Variants in DLGAP2 observed in about 807,000 individuals in gnomAD.
DLGAP2 encodes the protein DLG associated protein 2.
DLGAP2 carries 26 observed loss-of-function variants against 100.3 expected under a neutral mutation model. The ratio of observed to expected loss-of-function variants is 0.26; its 90% CI spans 0.19 to 0.36. The LOEUF (loss-of-function observed/expected upper bound fraction) is 0.36. Ranked by LOEUF, DLGAP2 falls within the 10% of genes least tolerant of loss-of-function variation. DLGAP2 has a pLI of 1.00. For missense variants in DLGAP2, 1,858 were observed against 1,453.2 expected, an observed-to-expected ratio of 1.28 and a Z score of -4.53; for synonymous variants, 886 against 630.1, an observed-to-expected ratio of 1.41 and a Z score of -6.08.
At chr8:1,543,396 GT>G in intron 4 of DLGAP2, among the ~76,000 whole-genome samples, 1 of 152,198 alleles carries the variant, frequency 6.6e-6, no homozygotes. Context: ...TAAATTCATT[GT>G]TTGGTGTGTA....
intron 6 of DLGAP2, among the ~76,000 whole-genome samples, chr8:1,608,724 C>T (rs1334175179): frequency 4.8e-4 from 70 of 144,804 alleles, no homozygotes; most frequent in East Asian, 1.7e-3. Context: ...AACCAAGGCT[C>T]GAGAACTACG....
At chr8:1,324,963 A>T (rs949636150) in intron 3 of DLGAP2, among the ~76,000 whole-genome samples, 6 of 152,288 alleles carry the variant, frequency 3.9e-5, no homozygotes, top group Non-Finnish European at 7.4e-5. Flanking sequence ...CAGACTCGGG[A>T]TGAGAATTAC....
Position 1,460,995 on chromosome 8 carries a change from A to G in DLGAP2, c.107-40371A>G, listed in dbSNP as rs149907324. 4.1e-3 allele frequency among the ~76,000 whole-genome samples: 621 copies of G among 152,360 alleles called. 4 individuals are homozygous for G. The highest frequency in any genetic ancestry group is 0.014 in the African/African-American group (578 of 41,592). ...AAGCCTGGCCTGGGTTTCTGCCTCC[A>G]TAAACCAAAATCAGCAGCTCTCACG... On this transcript the variant is annotated intron_variant, in intron 3 of 14. Coordinates refer to ENST00000637795, the MANE Select transcript of DLGAP2 (RefSeq NM_001346810.2).
intron 3 of DLGAP2, among the ~76,000 whole-genome samples, chr8:1,501,050 A>G (rs1372277124): frequency 6.6e-6 from 1 of 152,166 alleles, no homozygotes. Flanking sequence ...GTCTGTTCCA[A>G]TGCAAATAAG....
chr8:774,438 A>G (rs528408920), intron 1 of DLGAP2, among the ~76,000 whole-genome samples: 1 of 152,302 alleles, frequency 6.6e-6, no homozygotes, highest in South Asian at 2.1e-4. Flanking sequence ...CTATGTCCTG[A>G]ATGGCAATGC....
chr8:1,427,468 A>G (rs1797267884), intron 3 of DLGAP2, among the ~76,000 whole-genome samples: 3 of 152,228 alleles, frequency 2.0e-5, no homozygotes, highest in Non-Finnish European at 2.9e-5. Context: ...AATATAAACA[A>G]ACATCCTCAT....
intron 1 of DLGAP2, among the ~76,000 whole-genome samples, chr8:886,781 C>T (rs545010294): frequency 1.1e-4 from 17 of 152,342 alleles, no homozygotes; most frequent in African/African-American, 3.6e-4. Flanking sequence ...GAGTGTTTTA[C>T]TTCCAATTAC....
intron 2 of DLGAP2, among the ~76,000 whole-genome samples, chr8:951,166 G>T (rs1403086732): frequency 6.6e-6 from 1 of 151,990 alleles, no homozygotes; most frequent in Non-Finnish European, 1.5e-5. Flanking sequence ...TCCATTGTGT[G>T]CCTATACCAT....
chr8:758,598 G>C (rs1051993788), intron 1 of DLGAP2, among the ~76,000 whole-genome samples: 1 of 152,056 alleles, frequency 6.6e-6, no homozygotes, highest in Admixed American at 6.5e-5. Flanking sequence ...GTCTTATTCT[G>C]TTGCCCAGGC....
chr8:1,044,178 C>A (rs1041331698), intron 2 of DLGAP2, among the ~76,000 whole-genome samples: 1 of 152,116 alleles, frequency 6.6e-6, no homozygotes, highest in African/African-American at 2.4e-5. Flanking sequence ...ACTAGGGGCC[C>A]AATAAAGCCC....
chr8:1,275,552 A>G (rs1799665770), intron 3 of DLGAP2, among the ~76,000 whole-genome samples: 1 of 151,080 alleles, frequency 6.6e-6, no homozygotes, highest in Non-Finnish European at 1.5e-5. Flanking sequence ...TGCAAACTGA[A>G]TTTCTTTTCA....
chr8:1,474,886 T>C (rs563122181), intron 3 of DLGAP2, among the ~76,000 whole-genome samples: 9 of 152,292 alleles, frequency 5.9e-5, no homozygotes, highest in African/African-American at 2.2e-4. Context: ...ACTAGGTATA[T>C]AGCCAAAGAA....
At chr8:1,102,838 C>T (rs1381987333) in intron 2 of DLGAP2, among the ~76,000 whole-genome samples, 2 of 151,632 alleles carry the variant, frequency 1.3e-5, no homozygotes, top group Admixed American at 6.6e-5. Context: ...GTGCGTGGGG[C>T]CTTGTGAGTC....
chr8:890,840 C>A (rs930658305), intron 1 of DLGAP2, among the ~76,000 whole-genome samples: 6 of 152,150 alleles, frequency 3.9e-5, no homozygotes, highest in Non-Finnish European at 5.9e-5. Flanking sequence ...TTCCCGACCC[C>A]CCTAAACTCT....
At chr8:1,272,976 C>T (rs936446799) in intron 3 of DLGAP2, among the ~76,000 whole-genome samples, 4 of 152,116 alleles carry the variant, frequency 2.6e-5, no homozygotes, top group South Asian at 2.1e-4. Flanking sequence ...AAGGAATGTT[C>T]GGAGTGTGCT....
At position 1,453,341 on chromosome 8, in the gene DLGAP2, A is replaced by G. The variant is rs1336778593; in HGVS notation, c.107-48025A>G. ...GGAGAAAAAGTATTTTTCCTTCATC[A>G]TATTTATCTTCTTGAGTACTTTCAC... On this transcript the variant is annotated intron_variant, in intron 3 of 14. Coordinates refer to ENST00000637795, the MANE Select transcript of DLGAP2 (RefSeq NM_001346810.2). Among the ~76,000 whole-genome samples the G allele has an allele frequency of 2.6e-5, 4 of 152,158 alleles. No homozygotes were observed. The East Asian group carries it at 5.8e-4, about 22-fold the overall frequency.
At chr8:1,669,310 C>T (rs1303233089) in intron 9 of DLGAP2, among the ~76,000 whole-genome samples, 2 of 152,226 alleles carry the variant, frequency 1.3e-5, no homozygotes, top group African/African-American at 2.4e-5. Flanking sequence ...GCAGACGGTT[C>T]CTTTCCCCGT....
Position 1,360,737 on chromosome 8 carries a change from T to G in DLGAP2, c.106+101854T>G, listed in dbSNP as rs145285002. ...TCGGTGGCCTCGTTCTTCCGGTAGC[T>G]TCCAAACTCCTGTTTGATCATGATG... is the stretch of plus-strand genomic sequence containing the variant. On this transcript the variant is annotated intron_variant, in intron 3 of 14. Coordinates refer to ENST00000637795, the MANE Select transcript of DLGAP2 (RefSeq NM_001346810.2). 2.0e-3 allele frequency among the ~76,000 whole-genome samples: 301 copies of G among 152,224 alleles called. 3 individuals are homozygous for G. Among genetic ancestry groups the G allele is most frequent in the African/African-American group, 7.1e-3 (293 of 41,536 alleles).
intron 2 of DLGAP2, among the ~76,000 whole-genome samples, chr8:1,235,779 G>C (rs1428053048): frequency 1.1e-4 from 1 of 9,290 alleles, no homozygotes; most frequent in African/African-American, 8.0e-4. Flanking sequence ...GTCTAGTTCT[G>C]TCTCACACAG....
Sources: allele counts gnomAD v4.1 joint callset (sites outside exome capture counted in the v4.1 genomes callset), GRCh38; gene constraint gnomAD v4.1.1; transcripts MANE v1.5; gene names NCBI Gene and HGNC (gene_info 2026-07-23, HGNC 2026-07-21).